IQCM: variants seen among roughly 807,000 people sequenced by gnomAD.
IQCM encodes the protein IQ motif containing M, also known as IQ domain-containing protein M.
In IQCM, 45 loss-of-function variants were observed where a neutral mutation model predicts 57.6. The ratio of observed to expected loss-of-function variants is 0.78; its 90% CI spans 0.62 to 1.00. The LOEUF is 1.00. Among genes scored for constraint, IQCM ranks in the 50% least tolerant of loss-of-function variants. IQCM has a pLI of 0.00. For missense variants in IQCM, 468 were observed against 511.6 expected (o/e 0.91, Z 0.82); for synonymous variants, 148 against 158.9 (o/e 0.93, Z 0.51).
At chr4:149,794,478 T>G (rs1307582231) in intron 2 of IQCM, among the ~76,000 whole-genome samples, 1 of 152,218 alleles carries the variant, frequency 6.6e-6, no homozygotes, top group Admixed American at 6.5e-5. Context: ...AATATCCCAT[T>G]CAGGGGAAAT....
intron 2 of IQCM, among the ~76,000 whole-genome samples, chr4:149,754,344 C>A (rs373269366): frequency 2.2e-3 from 336 of 152,298 alleles, no homozygotes; most frequent in African/African-American, 7.0e-3. Context: ...CGCTAGACTG[C>A]ATCACAGCTC....
chr4:149,468,635 C>A (rs1398061641), intron 12 of IQCM, among the ~76,000 whole-genome samples: 4 of 152,106 alleles, frequency 2.6e-5, no homozygotes, highest in Non-Finnish European at 4.4e-5. Context: ...AGTGGTTCTC[C>A]CAGCATGGAG....
chr4:149,646,156 A>G, intron 7 of IQCM, among the ~76,000 whole-genome samples: 1 of 152,186 alleles, frequency 6.6e-6, no homozygotes, highest in Non-Finnish European at 1.5e-5. Context: ...GGAACCCTGT[A>G]GAGTTCTCTT....
At chr4:149,416,336 A>G (rs1361892678) in intron 13 of IQCM, among the ~76,000 whole-genome samples, 1 of 151,890 alleles carries the variant, frequency 6.6e-6, no homozygotes, top group East Asian at 1.9e-4. Context: ...ATTCAATATA[A>G]TTTTTTTTAG....
chr4:149,473,742 T>C (rs577570040), intron 12 of IQCM, among the ~76,000 whole-genome samples: 33 of 152,268 alleles, frequency 2.2e-4, no homozygotes, highest in Admixed American at 9.8e-4. Context: ...CCAACAATGA[T>C]AGACTGGATT....
intron 12 of IQCM, among the ~76,000 whole-genome samples, chr4:149,526,029 AT>A (rs1746125362): frequency 6.6e-6 from 1 of 151,986 alleles, no homozygotes; most frequent in Non-Finnish European, 1.5e-5. Flanking sequence ...TTTCACACTC[AT>A]CACATTGGCA....
chr4:149,807,861 C>T (rs1345128813), intron 2 of IQCM, among the ~76,000 whole-genome samples: 1 of 147,876 alleles, frequency 6.8e-6, no homozygotes, highest in East Asian at 1.9e-4. Context: ...CAGGAAGATG[C>T]ATGTCAAAAC....
chr4:149,680,381 C>T (rs1337494053), intron 7 of IQCM, among the ~76,000 whole-genome samples: 1 of 151,008 alleles, frequency 6.6e-6, no homozygotes, highest in East Asian at 1.9e-4. Flanking sequence ...TGATTGGTAT[C>T]TCTGCAGTCT....
intron 9 of IQCM, among the ~76,000 whole-genome samples, chr4:149,565,138 C>A (rs760656892): frequency 1.3e-5 from 2 of 152,092 alleles, no homozygotes; most frequent in Non-Finnish European, 2.9e-5. Flanking sequence ...ATGCCCAGGT[C>A]AATTCATTCA....
At chr4:149,468,190 A>G (rs1044058922) in intron 12 of IQCM, among the ~76,000 whole-genome samples, 1 of 152,326 alleles carries the variant, frequency 6.6e-6, no homozygotes, top group South Asian at 2.1e-4. Flanking sequence ...CGCCTCACCC[A>G]GGAAGCACAA....
chr4:149,673,307 A>G (rs1308310558), intron 7 of IQCM, among the ~76,000 whole-genome samples: 1 of 152,148 alleles, frequency 6.6e-6, no homozygotes. Flanking sequence ...TAAATGCTCC[A>G]ATTAAAAGAC....
At position 149,414,804 on chromosome 4, in the gene IQCM, G is replaced by A. The variant is rs575237684; in HGVS notation, c.1390+18592C>T. Among the ~76,000 whole-genome samples the A allele has an allele frequency of 8.6e-5, 13 of 151,704 alleles. No individual in the cohort carries two copies. The East Asian group carries it at 9.7e-4, about 11-fold the overall frequency. On this transcript the variant is annotated intron_variant, in intron 13 of 13. Coordinates refer to ENST00000636793, the MANE Select transcript of IQCM (RefSeq NM_001363507.2). ...TTATTCTCACACTGATAGAATAATC[G>A]GAAGTCTCAAATATAAAATTTAATA...
chr4:149,660,474 A>C (rs1579894621), intron 7 of IQCM, among the ~76,000 whole-genome samples: 1 of 152,152 alleles, frequency 6.6e-6, no homozygotes, highest in Non-Finnish European at 1.5e-5. Flanking sequence ...CAGCCATCCC[A>C]TTACTGGGTA....
intron 12 of IQCM, among the ~76,000 whole-genome samples, chr4:149,539,860 A>G (rs1560967211): frequency 6.6e-6 from 1 of 152,052 alleles, no homozygotes. Flanking sequence ...GCAAGACTTC[A>G]TCTCAAAAAA....
At chr4:149,661,882 C>A (rs942348150) in intron 7 of IQCM, among the ~76,000 whole-genome samples, 2 of 151,844 alleles carry the variant, frequency 1.3e-5, no homozygotes, top group African/African-American at 4.8e-5. Flanking sequence ...GGTTATGTTT[C>A]TTAAAAAAGT....
At chr4:149,713,552 G>A (rs537632119) in intron 5 of IQCM, among the ~76,000 whole-genome samples, 27 of 152,120 alleles carry the variant, frequency 1.8e-4, no homozygotes, top group South Asian at 8.3e-4. Flanking sequence ...TCACTCTCCC[G>A]TCTGTATTTC....
intron 5 of IQCM, among the ~76,000 whole-genome samples, chr4:149,716,537 G>A (rs1433560482): frequency 2.6e-5 from 4 of 152,324 alleles, no homozygotes; most frequent in African/African-American, 7.2e-5. Flanking sequence ...CCTCCAACGC[G>A]GAAGAGGGCG....
chr4:149,382,069 A>G (rs953795709), intron 13 of IQCM, among the ~76,000 whole-genome samples: 1 of 152,028 alleles, frequency 6.6e-6, no homozygotes, highest in African/African-American at 2.4e-5. Flanking sequence ...CTGGCCCTCC[A>G]TAGTATTTCG....
intron 13 of IQCM, among the ~76,000 whole-genome samples, chr4:149,405,980 T>C (rs1732954964): frequency 6.6e-6 from 1 of 150,664 alleles, no homozygotes; most frequent in African/African-American, 2.4e-5. Flanking sequence ...ATCCTCTATT[T>C]TGATATTATC....
Sources: allele counts gnomAD v4.1 joint callset (sites outside exome capture counted in the v4.1 genomes callset), GRCh38; gene constraint gnomAD v4.1.1; transcripts MANE v1.5; gene names NCBI Gene and HGNC (gene_info 2026-07-23, HGNC 2026-07-21).